Variants in GLIS3 observed in about 807,000 individuals in gnomAD.
GLIS3 encodes zinc finger protein GLIS3.
In GLIS3, 53 loss-of-function variants were observed where a neutral mutation model predicts 78.6. That is an observed-to-expected ratio of 0.67 (90% CI 0.54 to 0.85). The LOEUF (loss-of-function observed/expected upper bound fraction) is 0.85. Ranked by LOEUF, GLIS3 falls within the 40% of genes least tolerant of loss-of-function variation. The pLI, the probability that GLIS3 is intolerant of heterozygous loss-of-function variation, is 0.00. For missense variants in GLIS3, 1,703 were observed against 1,231.1 expected, an observed-to-expected ratio of 1.38 and a Z score of -5.74; for synonymous variants, 684 against 509.9, an observed-to-expected ratio of 1.34 and a Z score of -4.60.
At chr9:3,963,369 A>AAGTG (rs1817708187) in intron 4 of GLIS3, among the ~76,000 whole-genome samples, 1 of 152,180 alleles carries the variant, frequency 6.6e-6, no homozygotes, top group African/African-American at 2.4e-5. Flanking sequence ...TGGAATATTG[A>AAGTG]AGTGACGACT....
At chr9:3,986,842 T>C (rs922424725) in intron 4 of GLIS3, among the ~76,000 whole-genome samples, 6 of 152,260 alleles carry the variant, frequency 3.9e-5, no homozygotes, top group Non-Finnish European at 5.9e-5. Context: ...TAACAGGGTG[T>C]CTGCCTGCTA....
intron 4 of GLIS3, among the ~76,000 whole-genome samples, chr9:3,953,297 G>A (rs1816823382): frequency 6.6e-6 from 1 of 152,138 alleles, no homozygotes; most frequent in South Asian, 2.1e-4. Context: ...TTGAGAAATT[G>A]TTACATATGC....
At chr9:3,902,628 G>GC (rs1193442722) in intron 6 of GLIS3, among the ~76,000 whole-genome samples, 5 of 152,100 alleles carry the variant, frequency 3.3e-5, no homozygotes, top group Non-Finnish European at 7.4e-5. Context: ...CACCTGCAGC[G>GC]CCCCACCCCA....
the GLIS3 span, among the ~76,000 whole-genome samples, chr9:4,376,331 G>A: frequency 1.3e-5 from 2 of 152,208 alleles, no homozygotes; most frequent in African/African-American, 4.8e-5. Flanking sequence ...TCCAAGGAGA[G>A]ATTTCAGAGG....
At chr9:4,438,892 G>T in the GLIS3 span, among the ~76,000 whole-genome samples, 3 of 152,230 alleles carry the variant, frequency 2.0e-5, no homozygotes, top group East Asian at 5.8e-4. Flanking sequence ...CCTAGTCCTA[G>T]GTATGTCTTT....
intron 2 of GLIS3, among the ~76,000 whole-genome samples, chr9:4,183,613 T>C (rs1047581253): frequency 2.0e-5 from 3 of 152,248 alleles, no homozygotes; most frequent in Admixed American, 2.0e-4. Flanking sequence ...TTTCTCCATC[T>C]GTAAACTAAG....
the GLIS3 span, among the ~76,000 whole-genome samples, chr9:4,367,293 G>C: frequency 6.6e-6 from 1 of 152,094 alleles, no homozygotes; most frequent in African/African-American, 2.4e-5. Context: ...TTTCACACTT[G>C]ATTGCTGCCC....
At chr9:4,368,949 C>A in the GLIS3 span, among the ~76,000 whole-genome samples, 2 of 152,112 alleles carry the variant, frequency 1.3e-5, no homozygotes, top group African/African-American at 4.8e-5. Context: ...TTTATGTTAA[C>A]CAAGGGCTTA....
chr9:4,419,973 A>G, the GLIS3 span, among the ~76,000 whole-genome samples: 138 of 152,302 alleles, frequency 9.1e-4, no homozygotes, highest in African/African-American at 3.2e-3. Flanking sequence ...ATTAAACCGT[A>G]TTACCCAGGT....
intron 2 of GLIS3, among the ~76,000 whole-genome samples, chr9:4,174,408 T>C (rs902791317): frequency 1.3e-5 from 2 of 152,200 alleles, no homozygotes; most frequent in Non-Finnish European, 2.9e-5. Context: ...GTGACGAATG[T>C]GGTATACAAA....
the GLIS3 span, among the ~76,000 whole-genome samples, chr9:4,454,818 A>T: frequency 2.6e-5 from 4 of 152,184 alleles, no homozygotes; most frequent in Non-Finnish European, 5.9e-5. Flanking sequence ...GAGGTGATAC[A>T]TTTCTTTACT....
chr9:4,373,276 C>T, the GLIS3 span, among the ~76,000 whole-genome samples: 1 of 111,694 alleles, frequency 9.0e-6, no homozygotes, highest in African/African-American at 2.6e-5. Context: ...TAACAGCTTC[C>T]AGGTCCCCTT....
intron 2 of GLIS3, among the ~76,000 whole-genome samples, chr9:4,181,950 G>T (rs1205592602): frequency 6.6e-6 from 1 of 152,184 alleles, no homozygotes; most frequent in African/African-American, 2.4e-5. Flanking sequence ...CCACAGAATT[G>T]TGAGAAATAA....
intron 6 of GLIS3, 161 bp from the exon 7 acceptor site, chr9:3,898,996 A>G (rs2130604805): frequency 1.2e-6 from 1 of 852,618 alleles, no homozygotes; most frequent in Non-Finnish European, 1.9e-6. Flanking sequence ...CAATAAAAGG[A>G]TCAGTTCTCC....
intron 4 of GLIS3, among the ~76,000 whole-genome samples, chr9:4,046,429 T>G (rs1043419730): frequency 6.6e-6 from 1 of 152,080 alleles, no homozygotes; most frequent in Non-Finnish European, 1.5e-5. Flanking sequence ...ATATAACACT[T>G]TGGGGCCCAA....
chr9:4,287,115 T>C (rs999215896), intron 1 of GLIS3, among the ~76,000 whole-genome samples: 1 of 152,220 alleles, frequency 6.6e-6, no homozygotes, highest in Non-Finnish European at 1.5e-5. Context: ...CAAATATTCA[T>C]GGCAGCATTA....
intron 2 of GLIS3, among the ~76,000 whole-genome samples, chr9:4,320,349 G>A (rs1054368301): frequency 1.3e-5 from 2 of 152,134 alleles, no homozygotes; most frequent in African/African-American, 4.8e-5. Flanking sequence ...CTGGAAGGGA[G>A]TTGAGAAGGA....
chr9:4,271,402 T>C (rs1826494993), intron 2 of GLIS3, among the ~76,000 whole-genome samples: 2 of 152,192 alleles, frequency 1.3e-5, no homozygotes, highest in African/African-American at 2.4e-5. Context: ...AACCTCCATA[T>C]TGTTCAAAGG....
At chr9:4,440,515 C>G in the GLIS3 span, among the ~76,000 whole-genome samples, 1 of 152,072 alleles carries the variant, frequency 6.6e-6, no homozygotes, top group African/African-American at 2.4e-5. Context: ...TATTTCTGGG[C>G]TCTCTATTCT....
Sources: allele counts gnomAD v4.1 joint callset (sites outside exome capture counted in the v4.1 genomes callset), GRCh38; gene constraint gnomAD v4.1.1; transcripts MANE v1.5; gene names NCBI Gene and HGNC (gene_info 2026-07-23, HGNC 2026-07-21).